MIER3: variants seen among roughly 807,000 people sequenced by gnomAD.
The protein encoded by MIER3 is MIER family member 3, also known as mesoderm induction early response protein 3.
Under a neutral mutation model 63.2 loss-of-function variants are expected in MIER3, and 9 were observed. That is an observed-to-expected ratio of 0.14 (90% confidence interval 0.09 to 0.25). The LOEUF (loss-of-function observed/expected upper bound fraction) is 0.25. MIER3 is among the 10% of genes least tolerant of loss of function. MIER3 has a pLI of 1.00. For synonymous variants in MIER3, 205 were observed against 224.9 expected (o/e 0.91, Z 0.79); for missense variants, 512 against 666.2 (o/e 0.77, Z 2.55).
upstream of MIER3, chr5:56,952,131 G>A (rs560837092): frequency 5.7e-5 from 71 of 1,241,258 alleles, 1 homozygote; most frequent in South Asian, 1.6e-3. Flanking sequence ...AACGAGCAGC[G>A]CCGAGCCCAG....
At chr5:56,948,777 G>A (rs2591956) in intron 2 of MIER3, among the ~76,000 whole-genome samples, 46,424 of 152,120 alleles carry the variant, frequency 0.31, 7,552 homozygotes, top group East Asian at 0.54. Context: ...TCCATGGTAT[G>A]CCAAAGAGGC....
Position 56,946,702 on chromosome 5 carries a change from G to A in MIER3, c.180+224C>T, listed in dbSNP as rs1323159479. 2.6e-5 allele frequency among the ~76,000 whole-genome samples: 4 copies of A among 151,682 alleles called. No individual in the cohort carries two copies. The East Asian group carries it at 5.8e-4, about 22-fold the overall frequency. On this transcript the variant is annotated intron_variant, in intron 3 of 12. Transcript: ENST00000381199. ...ATTTTCTCATCTGTAAAATGCCTAC[G>A]TGTACCTACTTCACTGTGTTGATAT...
At chr5:56,936,657 C>T (rs193296106) in intron 5 of MIER3, among the ~76,000 whole-genome samples, 16 of 152,162 alleles carry the variant, frequency 1.1e-4, no homozygotes, top group Non-Finnish European at 2.1e-4. Flanking sequence ...ACTACATGTG[C>T]ATGCCACTAT....
At chr5:56,924,666 AAAC>A (rs1375929724) in intron 10 of MIER3, among the ~76,000 whole-genome samples, 10 of 152,168 alleles carry the variant, frequency 6.6e-5, no homozygotes, top group South Asian at 2.1e-4. Context: ...CAGATTTTGG[AAAC>A]AACAACAATA....
At chr5:56,951,279 G>C (rs1311550674) in intron 1 of MIER3, among the ~76,000 whole-genome samples, 2 of 151,988 alleles carry the variant, frequency 1.3e-5, no homozygotes, top group African/African-American at 2.4e-5. Flanking sequence ...TCCCTCCCTG[G>C]ACCGTCAGCG....
At chr5:56,945,555 T>C (rs1280352584) in intron 3 of MIER3, among the ~76,000 whole-genome samples, 1 of 152,230 alleles carries the variant, frequency 6.6e-6, no homozygotes, top group Non-Finnish European at 1.5e-5. Context: ...AGATATTACA[T>C]AAACCCTATT....
At chr5:56,952,056 C>A in intron 1 of MIER3, 38 bp downstream of exon 1, 1 of 1,282,306 alleles carries the variant, frequency 7.8e-7, no homozygotes, top group Non-Finnish European at 1.0e-6. Flanking sequence ...CGGGCGCCCG[C>A]TCCAGCCCGG....
chr5:56,927,500 A>AT lies in MIER3; in HGVS notation c.924+1266dup, dbSNP rs1750050503. On this transcript the variant is annotated intron_variant, in intron 10 of 12. Transcript: ENST00000381199. ...CCTTCCTTTAGGATGAAAAGAGGAA[A>AT]TAAACAGAGCATATTTTAATGAGAA... Among the ~76,000 whole-genome samples, 9 of 152,324 alleles carry AT rather than the reference A, an allele frequency of 5.9e-5. No homozygotes were observed. In the South Asian group the frequency reaches 1.9e-3, roughly 32 times the overall value.
At chr5:56,930,815 A>G (rs1750239086) in intron 8 of MIER3, 70 bp from the exon 9 acceptor site, 4 of 1,239,530 alleles carry the variant, frequency 3.2e-6, no homozygotes, top group Non-Finnish European at 4.7e-6. Context: ...CAGGTGTAAG[A>G]GTTTTGATAA....
intron 3 of MIER3, chr5:56,941,082 A>C: frequency 4.1e-6 from 4 of 985,424 alleles, no homozygotes; most frequent in Non-Finnish European, 4.8e-6. Flanking sequence ...TTGCTACTGG[A>C]CATACAAATG....
intron 5 of MIER3, among the ~76,000 whole-genome samples, chr5:56,936,153 G>A (rs372289376): frequency 6.6e-6 from 1 of 152,056 alleles, no homozygotes. Flanking sequence ...GGAGGCAAAG[G>A]TGGCAGTAAG....
chr5:56,926,192 A>AT (rs972093061), intron 10 of MIER3, among the ~76,000 whole-genome samples: 36 of 152,248 alleles, frequency 2.4e-4, no homozygotes, highest in Admixed American at 1.0e-3. Context: ...TTTGGCAATG[A>AT]TTTTTTTAAA....
chr5:56,939,039 C>T, intron 3 of MIER3, 22 bp from the exon 4 acceptor site: 4 of 1,612,584 alleles, frequency 2.5e-6, no homozygotes, highest in Non-Finnish European at 2.5e-6. Flanking sequence ...AGGGCATAAA[C>T]ACGGACTCAG....
At chr5:56,928,675 G>T in intron 10 of MIER3, 92 bp downstream of exon 10, 1 of 862,108 alleles carries the variant, frequency 1.2e-6, no homozygotes, top group Non-Finnish European at 1.8e-6. Flanking sequence ...ACATTAGTAA[G>T]TTGTTCTTTT....
chr5:56,939,299 T>G (rs900934596), intron 3 of MIER3, among the ~76,000 whole-genome samples: 1 of 151,140 alleles, frequency 6.6e-6, no homozygotes, highest in South Asian at 2.1e-4. Context: ...CTTTAGTGCC[T>G]TTTTTTTTGC....
Position 56,951,453 on chromosome 5 carries a change from G to A in MIER3, c.9+641C>T, listed in dbSNP as rs532253831. 2.4e-4 allele frequency among the ~76,000 whole-genome samples: 37 copies of A among 152,234 alleles called. No homozygotes were observed. The South Asian group carries it at 7.7e-3, about 32-fold the overall frequency. ...GCTATCAAGCCGCTCTCCTGGAGAG[G>A]GCGTCGAGGGTCTCGGTCTGCCCTT... On this transcript the variant is annotated intron_variant, in intron 1 of 12. Coordinates refer to ENST00000381199, the MANE Select transcript of MIER3 (RefSeq NM_001297599.2).
At position 56,934,461 on chromosome 5, in the gene MIER3, T is replaced by C. The variant is rs190101709; in HGVS notation, c.595+967A>G. On this transcript the variant is annotated intron_variant, in intron 7 of 12. Transcript: ENST00000381199. ...TCTGCAGCACTGACAGAATATCACC[T>C]CTACTATGTGTGACCTAAGGACCTA... Among the ~76,000 whole-genome samples the C allele has an allele frequency of 4.8e-3, 726 of 152,308 alleles. 3 individuals are homozygous for C. The highest frequency in any genetic ancestry group is 0.017 in the Middle Eastern group (5 of 294).
rs1194620159 is a variant in MIER3 at position 56,930,740 on chromosome 5, T to C, written c.753A>G (p.Leu251=). ...GTHTRDNEQA[L]YELLKCNHNI... ...TGTGGTTACACTTGAGAAGTTCATA[T>C]AATGCCTGGGATGGATATTCAATAA... is the stretch of plus-strand genomic sequence containing the variant. The change falls in exon 9 of 13, where the codon TTA becomes TTG. Residue 251 remains leucine (L), a synonymous_variant. Coordinates refer to ENST00000381199, the MANE Select transcript of MIER3 (RefSeq NM_001297599.2). The C allele has an allele frequency of 1.2e-6, 2 of 1,612,746 alleles. No homozygotes were observed. Among genetic ancestry groups the C allele is most frequent in the Non-Finnish European group, 1.7e-6 (2 of 1,178,888 alleles).
chr5:56,929,026 CTG>C (rs1472538779), intron 9 of MIER3, 165 bp from the exon 10 acceptor site: 11 of 540,096 alleles, frequency 2.0e-5, no homozygotes, highest in Admixed American at 9.7e-5. Flanking sequence ...CTCTCTCTCT[CTG>C]TATGCAGGAG....
Sources: allele counts gnomAD v4.1 joint callset (sites outside exome capture counted in the v4.1 genomes callset), GRCh38; gene constraint gnomAD v4.1.1; transcripts MANE v1.5; gene names NCBI Gene and HGNC (gene_info 2026-07-23, HGNC 2026-07-21).